The following GARRE1 variants were observed in gnomAD, a reference collection of about 807,000 sequenced individuals.
GARRE1 encodes granule associated Rac and RHOG effector protein 1.
Under a neutral mutation model 103.2 loss-of-function variants are expected in GARRE1, and 49 were observed. The ratio of observed to expected loss-of-function variants is 0.47; its 90% CI spans 0.38 to 0.60. GARRE1 has a LOEUF of 0.60. GARRE1 is among the 20% of genes least tolerant of loss of function. The pLI is 0.00. For missense variants in GARRE1, 1,199 were observed against 1,370.5 expected, an observed-to-expected ratio of 0.87 and a Z score of 1.98; for synonymous variants, 505 against 532.8, an observed-to-expected ratio of 0.95 and a Z score of 0.72.
chr19:34,320,905 CTTTTT>C (rs35585974), intron 3 of GARRE1, among the ~76,000 whole-genome samples: 3 of 125,100 alleles, frequency 2.4e-5, no homozygotes, highest in African/African-American at 3.0e-5. Context: ...ATTATTATTA[CTTTTT>C]TTTTTTTTTT....
At position 34,330,322 on chromosome 19, in the gene GARRE1, A is replaced by G. The variant is rs760920038; in HGVS notation, c.1238A>G (p.Gln413Arg). The change falls in exon 7 of 14, where the codon CAG (glutamine) becomes CGG (arginine). Residue 413 changes from glutamine (Q) to arginine (R), a missense_variant. Physicochemically the swap from Gln to Arg is conservative, Grantham distance 43. Coordinates refer to ENST00000299505, the MANE Select transcript of GARRE1 (RefSeq NM_014686.5). Reference sequence around the variant, plus strand: ...CGAGGTGCCTGCAAGACGGCGGTGCAGCTGCTGTTTGGCCAGGCTGGACTG... The same window carrying G: ...CGAGGTGCCTGCAAGACGGCGGTGCGGCTGCTGTTTGGCCAGGCTGGACTG... ...TWRGACKTAV[Q>R]LLFGQAGLVV... 6.2e-7 allele frequency: 1 copy of G among 1,614,250 alleles called. No homozygotes were observed. The highest frequency in any genetic ancestry group is 1.1e-5 in the South Asian group (1 of 91,090).
rs1196840618 is a variant in GARRE1 at position 34,341,917 on chromosome 19, A to C, written c.1983A>C (p.Ser661=). The change falls in exon 10 of 14, where the codon TCA becomes TCC. Residue 661 remains serine, a synonymous_variant. Transcript: ENST00000299505. ...DFLSGFNMGQ[S]HQGSPLVTRH... ...TCTCGGGCTTTAACATGGGCCAGTC[A>C]CATCAGGGCTCTCCGTTGGTGACAA... The C allele has an allele frequency of 6.2e-7, 1 of 1,614,102 alleles. No homozygotes were observed. Among genetic ancestry groups the C allele is most frequent in the Non-Finnish European group, 8.5e-7 (1 of 1,180,050 alleles).
chr19:34,340,017 A>T, intron 9 of GARRE1, 25 bp downstream of exon 9: 1 of 1,613,662 alleles, frequency 6.2e-7, no homozygotes, highest in Non-Finnish European at 8.5e-7. Flanking sequence ...TTTGCATTAG[A>T]TGCATACCGA....
In GARRE1 at chr19:34,304,948, C is replaced by T. The variant is rs373559936; in HGVS notation, c.495+3980C>T. Among the ~76,000 whole-genome samples the T allele has an allele frequency of 3.2e-3, 483 of 152,068 alleles. 2 individuals carry two copies. Among genetic ancestry groups the T allele is most frequent in the African/African-American group, 0.011 (464 of 41,496 alleles). On this transcript the variant is annotated intron_variant, in intron 2 of 13. Transcript: ENST00000299505. ...CTTGGACTGCAGGCGCCCGCCACCA[C>T]GCCCGGCTAATTTTTTTGTATTTTT...
At chr19:34,272,801 C>T (rs746908858) in intron 1 of GARRE1, among the ~76,000 whole-genome samples, 1 of 152,210 alleles carries the variant, frequency 6.6e-6, no homozygotes, top group East Asian at 1.9e-4. Flanking sequence ...TGTCCCAGAC[C>T]TAGCTGTGTG....
Position 34,342,174 on chromosome 19 carries a change from C to T in GARRE1, c.2240C>T (p.Pro747Leu), listed in dbSNP as rs78855695. 0.021 allele frequency: 33,387 copies of T among 1,614,186 alleles called. 420 individuals carry two copies. The highest frequency in any genetic ancestry group is 0.024 in the Non-Finnish European group (28,001 of 1,180,028). ...LLQPIGPQQP[P>L]PQPRAPGKWV... ...CAGCCCATTGGACCGCAGCAGCCCC[C>T]GCCCCAGCCTCGGGCACCTGGGAAA... The change falls in exon 10 of 14, where the codon CCG becomes CTG. Residue 747 changes from proline (P) to leucine (L), a missense_variant. By Grantham distance (98) the Pro-to-Leu change is moderately conservative. Transcript: ENST00000299505.
chr19:34,292,850 C>G (rs1206727366), intron 1 of GARRE1, among the ~76,000 whole-genome samples: 1 of 152,040 alleles, frequency 6.6e-6, no homozygotes, highest in Non-Finnish European at 1.5e-5. Context: ...ATTCTCCTGC[C>G]TCAGCCTCCC....
intron 2 of GARRE1, among the ~76,000 whole-genome samples, chr19:34,303,545 G>A (rs558717629): frequency 1.2e-4 from 18 of 152,326 alleles, no homozygotes; most frequent in African/African-American, 4.3e-4. Context: ...GGTTTATCAA[G>A]CTTTTTCTAT....
intron 7 of GARRE1, among the ~76,000 whole-genome samples, chr19:34,333,481 T>C (rs1463582131): frequency 3.3e-5 from 5 of 152,258 alleles, no homozygotes; most frequent in Non-Finnish European, 1.5e-5. Flanking sequence ...TTCAATTTAA[T>C]TCCATGCCCA....
chr19:34,339,260 A>C (rs559727907), intron 8 of GARRE1, among the ~76,000 whole-genome samples: 68 of 152,344 alleles, frequency 4.5e-4, no homozygotes, highest in African/African-American at 1.5e-3. Flanking sequence ...CCAATCGGCT[A>C]TAAGTTGGGG....
chr19:34,307,797 A>T (rs868054727), intron 2 of GARRE1, among the ~76,000 whole-genome samples: 1,224 of 105,408 alleles, frequency 0.012, 34 homozygotes, highest in African/African-American at 0.039. Flanking sequence ...TACTATAAAA[A>T]AAAAATATAT....
intron 8 of GARRE1, 51 bp downstream of exon 8, chr19:34,333,852 A>G: frequency 3.7e-6 from 4 of 1,066,922 alleles, no homozygotes; most frequent in Non-Finnish European, 5.8e-6. Context: ...TGACGTTTGC[A>G]CATCTTTGAA....
chr19:34,342,170 C>T lies in GARRE1; in HGVS notation c.2236C>T (p.Pro746Ser). The change falls in exon 10 of 14, where the codon CCC becomes TCC. Residue 746 changes from proline (P) to serine (S), a missense_variant. Coordinates refer to ENST00000299505, the MANE Select transcript of GARRE1 (RefSeq NM_014686.5). ...HLLQPIGPQQ[P>S]PPQPRAPGKW... Reference sequence around the variant, plus strand: ...ACTCCAGCCCATTGGACCGCAGCAGCCCCCGCCCCAGCCTCGGGCACCTGG... The same window carrying T: ...ACTCCAGCCCATTGGACCGCAGCAGTCCCCGCCCCAGCCTCGGGCACCTGG... 6.2e-7 allele frequency: 1 copy of T among 1,614,164 alleles called. No individual in the cohort carries two copies. The highest frequency in any genetic ancestry group is 8.5e-7 in the Non-Finnish European group (1 of 1,180,022).
intron 1 of GARRE1, among the ~76,000 whole-genome samples, chr19:34,288,423 C>A (rs1382562983): frequency 1.3e-5 from 2 of 152,164 alleles, no homozygotes; most frequent in Non-Finnish European, 1.5e-5. Context: ...CTCTGGAGAA[C>A]AACTGTGGGG....
chr19:34,276,991 G>T (rs892886031), intron 1 of GARRE1, among the ~76,000 whole-genome samples: 1 of 152,156 alleles, frequency 6.6e-6, no homozygotes. Flanking sequence ...GATTAGACAG[G>T]TTGGCTGCAG....
chr19:34,266,757 C>T (rs573481201), intron 1 of GARRE1, among the ~76,000 whole-genome samples: 128 of 152,106 alleles, frequency 8.4e-4, no homozygotes, highest in African/African-American at 3.0e-3. Context: ...TTATGGATGC[C>T]TTAAATTCTC....
intron 12 of GARRE1, 88 bp downstream of exon 12, chr19:34,349,241 G>A: frequency 7.7e-7 from 1 of 1,295,576 alleles, no homozygotes; most frequent in African/African-American, 1.4e-5. Context: ...CAGGAGCCCA[G>A]TCACCTCCAG....
chr19:34,319,260 A>C (rs2074074264), intron 2 of GARRE1, among the ~76,000 whole-genome samples: 1 of 152,220 alleles, frequency 6.6e-6, no homozygotes, highest in Non-Finnish European at 1.5e-5. Flanking sequence ...TACTTGGACT[A>C]TTAGCAACCA....
At chr19:34,332,878 C>A (rs548370032) in intron 7 of GARRE1, among the ~76,000 whole-genome samples, 5 of 152,152 alleles carry the variant, frequency 3.3e-5, no homozygotes, top group Admixed American at 1.3e-4. Flanking sequence ...ATTAAAGACT[C>A]TTCCTGGAAA....
Sources: allele counts gnomAD v4.1 joint callset (sites outside exome capture counted in the v4.1 genomes callset), GRCh38; gene constraint gnomAD v4.1.1; transcripts MANE v1.5; gene names NCBI Gene and HGNC (gene_info 2026-07-23, HGNC 2026-07-21).